The following DLGAP2 variants were observed in gnomAD, a reference collection of about 807,000 sequenced individuals.
DLGAP2 encodes the protein DLG associated protein 2, also known as disks large-associated protein 2.
Under a neutral mutation model 100.3 loss-of-function variants are expected in DLGAP2, and 26 were observed. That is an observed-to-expected ratio of 0.26 (90% CI 0.19 to 0.36). The LOEUF (loss-of-function observed/expected upper bound fraction) is 0.36. Ranked by LOEUF, DLGAP2 falls within the 10% of genes least tolerant of loss-of-function variation. The pLI is 1.00. For synonymous variants in DLGAP2, 886 were observed against 630.1 expected, an observed-to-expected ratio of 1.41 and a Z score of -6.08; for missense variants, 1,858 against 1,453.2, an observed-to-expected ratio of 1.28 and a Z score of -4.53.
intron 3 of DLGAP2, among the ~76,000 whole-genome samples, chr8:1,468,040 C>T (rs1416166690): frequency 1.3e-5 from 2 of 152,234 alleles, no homozygotes; most frequent in Non-Finnish European, 2.9e-5. Context: ...AAAGTGGGGG[C>T]GCTGTGGCTT....
intron 3 of DLGAP2, among the ~76,000 whole-genome samples, chr8:1,316,437 T>A (rs1483389997): frequency 7.5e-6 from 1 of 132,798 alleles, no homozygotes. Flanking sequence ...TCTCCAACAG[T>A]GGTCTACACT....
At chr8:740,603 G>A (rs1820459380) in intron 1 of DLGAP2, among the ~76,000 whole-genome samples, 1 of 152,132 alleles carries the variant, frequency 6.6e-6, no homozygotes, top group African/African-American at 2.4e-5. Context: ...AATTACATTG[G>A]ATTCTGTGTA....
intron 3 of DLGAP2, among the ~76,000 whole-genome samples, chr8:1,290,285 C>G (rs942088065): frequency 5.9e-5 from 9 of 152,200 alleles, no homozygotes; most frequent in Non-Finnish European, 5.9e-5. Context: ...TGGCTACACA[C>G]GGTGCATCCA....
In DLGAP2 at chr8:1,425,223, C is replaced by G. The variant is rs560158787; in HGVS notation, c.107-76143C>G. Among the ~76,000 whole-genome samples the G allele has an allele frequency of 8.7e-4, 132 of 152,262 alleles. 1 individual carries two copies. Among genetic ancestry groups the G allele is most frequent in the South Asian group, 2.7e-3 (13 of 4,822 alleles). ...TAACATTATGAATTCAATCTTTTAACTCGTTTCAATGATAGTGAAAATATC... is the reference window on the plus strand; with the variant it reads ...TAACATTATGAATTCAATCTTTTAAGTCGTTTCAATGATAGTGAAAATATC... On this transcript the variant is annotated intron_variant, in intron 3 of 14. Transcript: ENST00000637795.
At chr8:1,013,332 A>G (rs1226096540) in intron 2 of DLGAP2, among the ~76,000 whole-genome samples, 1 of 152,196 alleles carries the variant, frequency 6.6e-6, no homozygotes, top group Non-Finnish European at 1.5e-5. Context: ...TGATAAGGAA[A>G]AGCCACAGGC....
At chr8:895,176 C>T (rs1798121086) in intron 1 of DLGAP2, among the ~76,000 whole-genome samples, 1 of 151,996 alleles carries the variant, frequency 6.6e-6, no homozygotes, top group Admixed American at 6.6e-5. Flanking sequence ...AAAATGTTCT[C>T]ACCACAAAGA....
At chr8:823,616 C>T (rs1285933456) in intron 1 of DLGAP2, among the ~76,000 whole-genome samples, 1 of 152,136 alleles carries the variant, frequency 6.6e-6, no homozygotes, top group South Asian at 2.1e-4. Flanking sequence ...AGACCCCTTC[C>T]TGGGACACGC....
At chr8:1,274,109 AT>A (rs1016942715) in intron 3 of DLGAP2, among the ~76,000 whole-genome samples, 5 of 152,094 alleles carry the variant, frequency 3.3e-5, no homozygotes, top group Non-Finnish European at 5.9e-5. Context: ...CAAGAGTCAG[AT>A]TTTTTTACAT....
At chr8:783,506 C>T (rs1224938608) in intron 1 of DLGAP2, among the ~76,000 whole-genome samples, 1 of 152,190 alleles carries the variant, frequency 6.6e-6, no homozygotes, top group Non-Finnish European at 1.5e-5. Flanking sequence ...TTTGTGACCT[C>T]ACCTTAGCAC....
At chr8:969,896 C>T (rs980324547) in intron 2 of DLGAP2, among the ~76,000 whole-genome samples, 6 of 152,126 alleles carry the variant, frequency 3.9e-5, no homozygotes, top group African/African-American at 7.2e-5. Context: ...CATCTGTGGC[C>T]ATTATATTGT....
intron 1 of DLGAP2, among the ~76,000 whole-genome samples, chr8:826,618 G>A (rs1796688712): frequency 6.6e-6 from 1 of 151,918 alleles, no homozygotes. Flanking sequence ...TTAGCTGGGA[G>A]CCCTGCCTTC....
At chr8:1,321,039 G>A (rs557451165) in intron 3 of DLGAP2, among the ~76,000 whole-genome samples, 1 of 151,412 alleles carries the variant, frequency 6.6e-6, no homozygotes, top group Admixed American at 6.6e-5. Context: ...CTGTGCCCAG[G>A]CATCCATGTG....
intron 2 of DLGAP2, among the ~76,000 whole-genome samples, chr8:949,477 A>G (rs145496319): frequency 6.6e-6 from 1 of 152,052 alleles, no homozygotes; most frequent in Non-Finnish European, 1.5e-5. Context: ...GGGCTTCCGG[A>G]GCTGAAACTC....
At chr8:765,437 TTGG>T (rs1419322641) in intron 1 of DLGAP2, among the ~76,000 whole-genome samples, 1 of 152,142 alleles carries the variant, frequency 6.6e-6, no homozygotes, top group Non-Finnish European at 1.5e-5. Context: ...GTGCCATATG[TTGG>T]TGGAGATCAT....
intron 1 of DLGAP2, among the ~76,000 whole-genome samples, chr8:889,771 CTGCAGCCAG>C (rs1192197273): frequency 6.6e-6 from 1 of 152,234 alleles, no homozygotes; most frequent in East Asian, 1.9e-4. Flanking sequence ...CAGCAGGCCG[CTGCAGCCAG>C]TGCTGGTCAC....
chr8:1,420,257 A>C (rs1051253668), intron 3 of DLGAP2, among the ~76,000 whole-genome samples: 2 of 152,090 alleles, frequency 1.3e-5, no homozygotes, highest in African/African-American at 4.8e-5. Flanking sequence ...GCTGGCTGGG[A>C]ATGACTAAGG....
intron 3 of DLGAP2, among the ~76,000 whole-genome samples, chr8:1,441,292 A>G (rs1316772734): frequency 6.6e-6 from 1 of 152,204 alleles, no homozygotes; most frequent in Non-Finnish European, 1.5e-5. Context: ...GCATAAAATT[A>G]CGTTACTTAT....
At chr8:1,291,291 G>A (rs1474747254) in intron 3 of DLGAP2, among the ~76,000 whole-genome samples, 1 of 152,038 alleles carries the variant, frequency 6.6e-6, no homozygotes, top group African/African-American at 2.4e-5. Context: ...TAACATGTAA[G>A]GATTCTCATG....
chr8:1,670,916 G>A (rs1390026760), intron 10 of DLGAP2, among the ~76,000 whole-genome samples: 5 of 152,230 alleles, frequency 3.3e-5, no homozygotes, highest in East Asian at 1.9e-4. Flanking sequence ...TCAGGGAGGC[G>A]TCAGGAGGGG....
Sources: allele counts gnomAD v4.1 joint callset (sites outside exome capture counted in the v4.1 genomes callset), GRCh38; gene constraint gnomAD v4.1.1; transcripts MANE v1.5; gene names NCBI Gene and HGNC (gene_info 2026-07-23, HGNC 2026-07-21).